The following ANKS1A variants were observed in gnomAD, a reference collection of about 807,000 sequenced individuals.
The protein encoded by ANKS1A is ankyrin repeat and sterile alpha motif domain containing 1A, also known as ankyrin repeat and SAM domain-containing protein 1A.
In ANKS1A, 55 loss-of-function variants were observed where a neutral mutation model predicts 120.3. The ratio of observed to expected loss-of-function variants is 0.46; its 90% CI spans 0.37 to 0.57. ANKS1A has a LOEUF of 0.57. ANKS1A is among the 20% of genes least tolerant of loss of function. The pLI is 0.00. For missense variants in ANKS1A, 1,123 were observed against 1,480.3 expected, an observed-to-expected ratio of 0.76 and a Z score of 3.96; for synonymous variants, 590 against 604.7, an observed-to-expected ratio of 0.98 and a Z score of 0.36.
intron 3 of ANKS1A, among the ~76,000 whole-genome samples, chr6:34,973,398 TG>T (rs1771281366): frequency 6.6e-6 from 1 of 152,230 alleles, no homozygotes; most frequent in Non-Finnish European, 1.5e-5. Context: ...AGGCCAGCCC[TG>T]TCTGCCCCTC....
At chr6:34,948,251 T>C (rs1473700731) in intron 1 of ANKS1A, among the ~76,000 whole-genome samples, 1 of 152,170 alleles carries the variant, frequency 6.6e-6, no homozygotes, top group Non-Finnish European at 1.5e-5. Context: ...TACTAAATTA[T>C]GTAGAAACAA....
At chr6:34,998,452 A>G (rs1772968855) in intron 10 of ANKS1A, among the ~76,000 whole-genome samples, 1 of 152,220 alleles carries the variant, frequency 6.6e-6, no homozygotes, top group African/African-American at 2.4e-5. Flanking sequence ...ACCTAGGAAC[A>G]GACCCAAAAC....
Position 35,082,618 on chromosome 6 carries a change from G to A in ANKS1A, c.2710-73G>A. 6.6e-7 allele frequency: 1 copy of A among 1,525,392 alleles called. No individual in the cohort carries two copies. The highest frequency in any genetic ancestry group is 8.8e-7 in the Non-Finnish European group (1 of 1,135,992). The allele number at this position is 1,525,392 out of a possible 1,614,324, so 94.5% of individuals were successfully genotyped here. ...CACTGGCATCTTCACCCTTGAGTGT[G>A]CTGGAGCCAGGCAGCAAGCCCATGT... On this transcript the variant is annotated intron_variant, in intron 17 of 23. Transcript: ENST00000360359. The surrounding 1 kb of genome is among the most constrained non-coding windows in gnomAD (Gnocchi z 4.1).
intron 3 of ANKS1A, among the ~76,000 whole-genome samples, chr6:34,978,720 G>T (rs933303304): frequency 6.7e-5 from 10 of 148,356 alleles, no homozygotes; most frequent in Non-Finnish European, 1.3e-4. Flanking sequence ...CAGGAGAATC[G>T]CTTGAACCTG....
chr6:35,003,714 C>A (rs1339553424), intron 10 of ANKS1A, among the ~76,000 whole-genome samples: 2 of 152,170 alleles, frequency 1.3e-5, no homozygotes, highest in Non-Finnish European at 2.9e-5. Context: ...TGCTTCAGCA[C>A]AAGTGTACTA....
At position 34,908,928 on chromosome 6, in the gene ANKS1A, G is replaced by T. The variant is rs192144040; in HGVS notation, c.197+19329G>T. On this transcript the variant is annotated intron_variant, in intron 1 of 23. Transcript: ENST00000360359. Reference sequence around the variant, plus strand: ...AAAATTATTGTACCACTAGAAATATGGCTAAAAATTATTGAAGTATAATTT... The same window carrying T: ...AAAATTATTGTACCACTAGAAATATTGCTAAAAATTATTGAAGTATAATTT... Among the ~76,000 whole-genome samples the T allele has an allele frequency of 3.4e-3, 510 of 151,976 alleles. 4 individuals are homozygous for T. Among genetic ancestry groups the T allele is most frequent in the Middle Eastern group, 6.8e-3 (2 of 294 alleles).
At chr6:35,074,436 C>CA (rs879350993) in intron 13 of ANKS1A, among the ~76,000 whole-genome samples, 667 of 133,174 alleles carry the variant, frequency 5.0e-3, no homozygotes, top group Middle Eastern at 0.012. Context: ...CCCATCTCTA[C>CA]AAAAAAAAAA....
Position 35,090,654 on chromosome 6 carries a change from G to T in ANKS1A, c.*2045G>T. ...CTTTCTTTCTTTTCTTCTCCTCTGG[G>T]ATGGGTAGTCTCCCTTTCCTAGAAA... is the stretch of plus-strand genomic sequence containing the variant. On this transcript the variant is annotated 3_prime_UTR_variant, in exon 24 of 24. Transcript: ENST00000360359. 1.0e-6 allele frequency: 1 copy of T among 990,918 alleles called. No individual in the cohort carries two copies. Among genetic ancestry groups the T allele is most frequent in the South Asian group, 4.6e-5 (1 of 21,770 alleles). 61.4% of individuals were successfully genotyped at this position (990,918 alleles called of 1,614,324 possible).
chr6:34,961,773 C>T (rs1369343321), intron 1 of ANKS1A, among the ~76,000 whole-genome samples: 1 of 152,144 alleles, frequency 6.6e-6, no homozygotes, highest in East Asian at 1.9e-4. Flanking sequence ...CACTCTCAGC[C>T]GCTTTAACCA....
At chr6:34,951,271 TTTAAA>T (rs1235600667) in intron 1 of ANKS1A, among the ~76,000 whole-genome samples, 7 of 151,888 alleles carry the variant, frequency 4.6e-5, no homozygotes, top group East Asian at 1.9e-4. Context: ...TGTTCATTAC[TTTAAA>T]TTATATTATA....
At chr6:35,029,853 T>C (rs1324242133) in intron 11 of ANKS1A, among the ~76,000 whole-genome samples, 2 of 149,890 alleles carry the variant, frequency 1.3e-5, no homozygotes, top group Admixed American at 1.3e-4. Context: ...TTACATATTC[T>C]ATATATATAC....
intron 10 of ANKS1A, among the ~76,000 whole-genome samples, chr6:35,010,783 C>G (rs1001866757): frequency 6.6e-6 from 1 of 152,134 alleles, no homozygotes; most frequent in East Asian, 1.9e-4. Flanking sequence ...AATTACCCCC[C>G]AATTTTTACA....
At chr6:35,070,826 TTG>T (rs140599618) in intron 13 of ANKS1A, 23,377 of 436,268 alleles carry the variant, frequency 0.054, no homozygotes, top group South Asian at 0.072. Context: ...TCTTTTTTCT[TTG>T]TGTGTGTGTG....
intron 12 of ANKS1A, among the ~76,000 whole-genome samples, chr6:35,055,381 G>C (rs1472553557): frequency 6.6e-6 from 1 of 151,788 alleles, no homozygotes; most frequent in Non-Finnish European, 1.5e-5. Context: ...CCAGGCTGGA[G>C]AGCAATGACG....
chr6:35,085,693 T>C lies in ANKS1A; in HGVS notation c.3133-73T>C. Reference sequence around the variant, plus strand: ...GACTTAGAGGGGGACACATGGTCCCTGCGAGGAAGGGCATATCCAGTGTGA... The same window carrying C: ...GACTTAGAGGGGGACACATGGTCCCCGCGAGGAAGGGCATATCCAGTGTGA... On this transcript the variant is annotated intron_variant, in intron 21 of 23. Transcript: ENST00000360359. This position sits in a 1 kb window ranked among gnomAD's most constrained non-coding sequence, Gnocchi z 4.7. 2 of 1,474,216 alleles carry C rather than the reference T, an allele frequency of 1.4e-6. No individual in the cohort carries two copies. Among genetic ancestry groups the C allele is most frequent in the Non-Finnish European group, 1.8e-6 (2 of 1,102,760 alleles). 91.3% of individuals were successfully genotyped at this position (1,474,216 alleles called of 1,614,324 possible). A position where few individuals can be genotyped will look rare whatever the true frequency, so the allele number is the denominator to read the frequency against.
At chr6:34,952,417 G>A (rs374658004) in intron 1 of ANKS1A, among the ~76,000 whole-genome samples, 3 of 152,194 alleles carry the variant, frequency 2.0e-5, no homozygotes, top group South Asian at 2.1e-4. Context: ...TTTCCCTAAT[G>A]GGGGAGGCAT....
intron 10 of ANKS1A, among the ~76,000 whole-genome samples, chr6:35,016,764 C>CA (rs145185965): frequency 0.018 from 2,404 of 131,706 alleles, 51 homozygotes; most frequent in African/African-American, 0.053. Context: ...TGCACATTCT[C>CA]AAAAAAAAAA....
At chr6:34,933,578 C>T (rs1769104999) in intron 1 of ANKS1A, among the ~76,000 whole-genome samples, 1 of 152,202 alleles carries the variant, frequency 6.6e-6, no homozygotes, top group African/African-American at 2.4e-5. Context: ...CCATGTTGGT[C>T]AGGCTAGTTG....
At chr6:35,087,218 G>T (rs923416752) in intron 23 of ANKS1A, among the ~76,000 whole-genome samples, 169 bp downstream of exon 23, 1 of 55,058 alleles carries the variant, frequency 1.8e-5, no homozygotes, top group Non-Finnish European at 5.8e-5. Flanking sequence ...CAGCGTAGAC[G>T]CTGTACACTT....
Sources: allele counts gnomAD v4.1 joint callset (sites outside exome capture counted in the v4.1 genomes callset), GRCh38; gene constraint gnomAD v4.1.1; non-coding constraint Gnocchi (gnomAD v3.1); transcripts MANE v1.5; gene names NCBI Gene and HGNC (gene_info 2026-07-23, HGNC 2026-07-21).